Variants in METTL2B observed in about 807,000 individuals in gnomAD.
The protein encoded by METTL2B is methyltransferase 2B, tRNA N3-cytidine.
Under a neutral mutation model 51.0 loss-of-function variants are expected in METTL2B, and 28 were observed. The ratio of observed to expected loss-of-function variants is 0.55; its 90% CI spans 0.41 to 0.75. The LOEUF (loss-of-function observed/expected upper bound fraction) is 0.75. Ranked by LOEUF, METTL2B falls within the 30% of genes least tolerant of loss-of-function variation. METTL2B has a pLI of 0.00. For missense variants in METTL2B, 313 were observed against 460.7 expected (o/e 0.68, Z 2.93); for synonymous variants, 128 against 166.3 (o/e 0.77, Z 1.77).
In METTL2B at chr7:128,506,262, T is replaced by C. The variant is rs1349032964; in HGVS notation, c.*4346T>C. ...TTTATCTTTTGAAATGAAGAATAGATACATTAATTTAAATGATTCTCTAAA... is the reference window on the plus strand; with the variant it reads ...TTTATCTTTTGAAATGAAGAATAGACACATTAATTTAAATGATTCTCTAAA... On this transcript the variant is annotated 3_prime_UTR_variant, in exon 9 of 9. Transcript: ENST00000262432. 1.3e-5 allele frequency: 2 copies of C among 152,190 alleles called. No individual in the cohort carries two copies. Among genetic ancestry groups the C allele is most frequent in the Non-Finnish European group, 2.9e-5 (2 of 68,036 alleles). The allele number at this position is 152,190 out of a possible 1,614,324, so 9.4% of individuals were successfully genotyped here. A position where few individuals can be genotyped will look rare whatever the true frequency, so the allele number is the denominator to read the frequency against.
rs765593839 is a variant in METTL2B, at chr7:128,477,212, C to T, written c.202+39C>T. 5 of 1,612,416 alleles carry T rather than the reference C, an allele frequency of 3.1e-6. No individual in the cohort carries two copies. In the South Asian group the frequency reaches 5.5e-5, roughly 18 times the overall value. On this transcript the variant is annotated intron_variant, in intron 2 of 8. Transcript: ENST00000262432. ...GGCTCTCGTTGGTATCAACAGCCAG[C>T]GTACTGCCGAACGCGCCCTCCCGGA...
rs1257588510 is a variant in METTL2B at position 128,487,031 on chromosome 7, T to G, written c.609-1070T>G. On this transcript the variant is annotated intron_variant, in intron 4 of 8. Transcript: ENST00000262432. ...AGAACTTTGTGCAGTGATGGAAATG[T>G]TCTGCATCTTCACTCTCCCTTATGG... 9.9e-5 allele frequency among the ~76,000 whole-genome samples: 15 copies of G among 152,238 alleles called. No homozygotes were observed. In the East Asian group the frequency reaches 2.7e-3, roughly 27 times the overall value.
At chr7:128,483,261 C>A (rs570605867) in intron 4 of METTL2B, 1 of 152,206 alleles carries the variant, frequency 6.6e-6, no homozygotes, top group Non-Finnish European at 1.5e-5. Flanking sequence ...CTTACTAGAA[C>A]CCACTTGTTC....
intron 3 of METTL2B, 58 bp from the exon 4 acceptor site, chr7:128,480,589 A>C: frequency 6.2e-7 from 1 of 1,610,750 alleles, no homozygotes. Context: ...TAGCTTTTCT[A>C]GCTTTCGGGA....
At chr7:128,499,405 C>T (rs143319329) in intron 7 of METTL2B, among the ~76,000 whole-genome samples, 5,512 of 152,036 alleles carry the variant, frequency 0.036, 233 homozygotes, top group East Asian at 0.22. Context: ...CAGGCTGGAG[C>T]GCAATGGCGC....
At position 128,476,821 on chromosome 7, in the gene METTL2B, A is replaced by C; in HGVS notation, c.56A>C (p.Gln19Pro). 6.2e-7 allele frequency: 1 copy of C among 1,614,190 alleles called. No homozygotes were observed. Among genetic ancestry groups the C allele is most frequent in the South Asian group, 1.1e-5 (1 of 91,082 alleles). ...GCAATCCTCGCCGATAAGAGGCAGCAGTTCGGAAGCCGGTTCCTGAGCGAT... is the reference window on the plus strand; with the variant it reads ...GCAATCCTCGCCGATAAGAGGCAGCCGTTCGGAAGCCGGTTCCTGAGCGAT... The part of the protein sequence containing the change: ...APAILADKRQ[Q>P]FGSRFLSDPA... The change falls in exon 1 of 9, where the codon CAG becomes CCG. Residue 19 changes from glutamine to proline, a missense_variant. Physicochemically the swap from Gln to Pro is moderately conservative, Grantham distance 76 (BLOSUM62 -1). Around this residue, in one of 4 missense-constraint regions of METTL2B, gnomAD observed 66 missense variants for 58.2 expected, o/e 1.13. Coordinates refer to ENST00000262432, the MANE Select transcript of METTL2B (RefSeq NM_018396.3).
chr7:128,502,715 A>G lies in METTL2B; in HGVS notation c.*799A>G, dbSNP rs1336379688. The G allele has an allele frequency of 5.0e-6, 2 of 400,128 alleles. No homozygotes were observed. Among genetic ancestry groups the G allele is most frequent in the South Asian group, 3.6e-5 (2 of 56,020 alleles). 24.8% of individuals were successfully genotyped at this position (400,128 alleles called of 1,614,324 possible). On this transcript the variant is annotated 3_prime_UTR_variant, in exon 9 of 9. Coordinates refer to ENST00000262432, the MANE Select transcript of METTL2B (RefSeq NM_018396.3). ...GGAGTTCGAGACCAGCGTGGCCAAC[A>G]TGGTGAAACCCCGTCTCTACTAAAG...
intron 3 of METTL2B, among the ~76,000 whole-genome samples, chr7:128,480,336 A>G (rs1295831114): frequency 6.6e-6 from 1 of 152,218 alleles, no homozygotes; most frequent in African/African-American, 2.4e-5. Context: ...CACAATAATA[A>G]TATAAGCTTA....
At chr7:128,477,427 T>G (rs1341920843) in intron 2 of METTL2B, among the ~76,000 whole-genome samples, 4 of 152,164 alleles carry the variant, frequency 2.6e-5, no homozygotes, top group Non-Finnish European at 5.9e-5. Context: ...TTTAATTATG[T>G]TGAGTAGATC....
At chr7:128,477,570 A>G (rs1036500555) in intron 2 of METTL2B, among the ~76,000 whole-genome samples, 2 of 151,996 alleles carry the variant, frequency 1.3e-5, no homozygotes, top group Admixed American at 1.3e-4. Context: ...TAGATTCTAA[A>G]TATTGTTGGG....
chr7:128,487,924 A>C lies in METTL2B; in HGVS notation c.609-177A>C, dbSNP rs554811048. ...TAGCTATGTCCACAGAGCCTCCAAA[A>C]GGATATAATTCAAAAAGGATTTTAA... On this transcript the variant is annotated intron_variant, in intron 4 of 8. Coordinates refer to ENST00000262432, the MANE Select transcript of METTL2B (RefSeq NM_018396.3). Among the ~76,000 whole-genome samples the C allele has an allele frequency of 2.0e-5, 3 of 152,240 alleles. No individual in the cohort carries two copies. The South Asian group carries it at 6.2e-4, about 32-fold the overall frequency.
At chr7:128,480,064 G>C (rs1799854782) in intron 3 of METTL2B, among the ~76,000 whole-genome samples, 1 of 152,182 alleles carries the variant, frequency 6.6e-6, no homozygotes, top group Admixed American at 6.6e-5. Context: ...TTCTGGAACT[G>C]GTTAGCCTTG....
chr7:128,491,706 G>A (rs551406431), intron 5 of METTL2B, among the ~76,000 whole-genome samples: 1 of 146,176 alleles, frequency 6.8e-6, no homozygotes, highest in Non-Finnish European at 1.5e-5. Flanking sequence ...AGCAGAGGTT[G>A]CAGTGAGCTG....
rs1412114825 is a variant in METTL2B at position 128,497,666 on chromosome 7, A to G, written c.810-370A>G. Among the ~76,000 whole-genome samples the G allele has an allele frequency of 4.6e-5, 7 of 152,280 alleles. No homozygotes were observed. The East Asian group carries it at 1.2e-3, about 25-fold the overall frequency. On this transcript the variant is annotated intron_variant, in intron 6 of 8. Transcript: ENST00000262432. ...CCTGGCTACTTTTTGTATTTTCAGT[A>G]GAGACGGGGTTTCACCGTTTTGGCC...
chr7:128,493,857 T>G lies in METTL2B; in HGVS notation c.723T>G (p.Cys241Trp). Residue 241 changes from cysteine to tryptophan, a missense_variant, in exon 6 of 9, where the codon TGT (cysteine) becomes TGG (tryptophan). Cys to Trp is a radical substitution (Grantham distance 215, BLOSUM62 -2). This residue lies in a region of METTL2B where 138 missense variants were observed against 187.6 expected (regional missense o/e 0.74). Coordinates refer to ENST00000262432, the MANE Select transcript of METTL2B (RefSeq NM_018396.3). ...SRCFAFVHDL[C>W]DEEKSYPVPK... ...GTTTTGCCTTTGTTCACGACCTGTG[T>G]GATGAAGAGAAGAGTTACCCAGTGC... The G allele has an allele frequency of 1.9e-6, 3 of 1,612,894 alleles. No individual in the cohort carries two copies. The South Asian group carries it at 3.3e-5, about 18-fold the overall frequency.
At position 128,503,678 on chromosome 7, in the gene METTL2B, T is replaced by C. The variant is rs990316807; in HGVS notation, c.*1762T>C. 7.9e-5 allele frequency: 12 copies of C among 152,212 alleles called. No homozygotes were observed. The highest frequency in any genetic ancestry group is 2.9e-4 in the African/African-American group (12 of 41,448). 9.4% of individuals were successfully genotyped at this position (152,212 alleles called of 1,614,324 possible). Reference sequence around the variant, plus strand: ...ATTTCTGTCTTGATCCATGCAGTTATAGGATATATCCTTAATTTTAGAAAG... The same window carrying C: ...ATTTCTGTCTTGATCCATGCAGTTACAGGATATATCCTTAATTTTAGAAAG... On this transcript the variant is annotated 3_prime_UTR_variant, in exon 9 of 9. Coordinates refer to ENST00000262432, the MANE Select transcript of METTL2B (RefSeq NM_018396.3).
chr7:128,479,593 A>G, intron 3 of METTL2B, 80 bp downstream of exon 3: 1 of 1,488,332 alleles, frequency 6.7e-7, no homozygotes, highest in Non-Finnish European at 9.1e-7. Flanking sequence ...GAGGCTGACA[A>G]TAAAAGTAAC....
chr7:128,481,622 A>G (rs1445808608), intron 4 of METTL2B, among the ~76,000 whole-genome samples: 1 of 152,198 alleles, frequency 6.6e-6, no homozygotes, highest in Non-Finnish European at 1.5e-5. Flanking sequence ...GGATGTGTTC[A>G]CCAACCTGGA....
Position 128,498,145 on chromosome 7 carries a change from A to G in METTL2B, c.916+3A>G. 5 of 1,612,890 alleles carry G rather than the reference A, an allele frequency of 3.1e-6. No homozygotes were observed. Among genetic ancestry groups the G allele is most frequent in the Non-Finnish European group, 4.2e-6 (5 of 1,179,318 alleles). On this transcript the variant is annotated splice_donor_region_variant and intron_variant, in intron 7 of 8. Transcript: ENST00000262432. ...GGCTCAGCTTCGGTTTAAAAAAGGT[A>G]TTTTGAGAGTGCTGAATCCTAACCA...
Sources: gnomAD v4.1 joint callset for allele counts (sites outside exome capture counted in the v4.1 genomes callset) on GRCh38, gnomAD v4.1.1 for gene constraint, gnomAD v4.1.1 regional missense constraint, MANE v1.5 for transcripts, NCBI Gene and HGNC (gene_info 2026-07-23, HGNC 2026-07-21) for gene names.